Variants in UBR3 observed in about 807,000 individuals in gnomAD.
The protein encoded by UBR3 is ubiquitin protein ligase E3 component n-recognin 3, also known as E3 ubiquitin-protein ligase UBR3.
A neutral mutation model predicts 243.2 loss-of-function variants in UBR3; 85 were observed. The observed-to-expected ratio is 0.35, with a 90% CI of 0.29 to 0.42. The LOEUF (loss-of-function observed/expected upper bound fraction) is 0.42, where lower values mean the gene tolerates loss of function less well. Among genes scored for constraint, UBR3 ranks in the 10% least tolerant of loss-of-function variants. The probability of loss-of-function intolerance (pLI) is 1.00; values close to 1 mark genes in which losing one functional copy is unlikely to be tolerated. For synonymous variants in UBR3, 748 were observed against 799.8 expected (o/e 0.94, Z 1.09); for missense variants, 1,686 against 2,300.8 (o/e 0.73, Z 5.47).
At chr2:170,029,127 A>G (rs550608466) in intron 30 of UBR3, among the ~76,000 whole-genome samples, 1 of 152,156 alleles carries the variant, frequency 6.6e-6, no homozygotes, top group South Asian at 2.1e-4. Flanking sequence ...ATTAAGATTG[A>G]GTCTAAGGAC....
chr2:170,080,373 A>T lies in UBR3; in HGVS notation c.5410-172A>T. On this transcript the variant is annotated intron_variant, in intron 37 of 38. Transcript: ENST00000272793. ...TTTACTAGATATTCCTTACCCAAAT[A>T]CCTCCTAATGTATTAATAATAAAGT... 2.6e-6 allele frequency: 2 copies of T among 769,466 alleles called. 1 individual carries two copies. Among genetic ancestry groups the T allele is most frequent in the South Asian group, 4.7e-5 (2 of 42,136 alleles). The allele number at this position is 769,466 out of a possible 1,614,324, so 47.7% of individuals were successfully genotyped here.
chr2:169,977,790 C>T (rs1311107276), intron 24 of UBR3, among the ~76,000 whole-genome samples: 1 of 152,200 alleles, frequency 6.6e-6, no homozygotes, highest in Non-Finnish European at 1.5e-5. Context: ...TTCCACCAGC[C>T]ATCTAGGCAT....
At chr2:169,999,834 A>G (rs1262861502) in intron 26 of UBR3, among the ~76,000 whole-genome samples, 2 of 152,172 alleles carry the variant, frequency 1.3e-5, no homozygotes, top group Non-Finnish European at 2.9e-5. Flanking sequence ...CTTTTAAAAC[A>G]AATTTGGAGC....
chr2:169,832,442 C>T (rs1430490073), intron 1 of UBR3, among the ~76,000 whole-genome samples: 2 of 151,714 alleles, frequency 1.3e-5, no homozygotes, highest in Admixed American at 1.3e-4. Context: ...CCCAGCTACT[C>T]GGGAGGCTGA....
chr2:169,965,274 C>A (rs1436379691), intron 24 of UBR3, among the ~76,000 whole-genome samples: 2 of 152,164 alleles, frequency 1.3e-5, no homozygotes, highest in Admixed American at 6.6e-5. Flanking sequence ...AGTACTGATA[C>A]AATTTAACCT....
intron 1 of UBR3, among the ~76,000 whole-genome samples, 177 bp from the exon 2 acceptor site, chr2:169,872,059 G>A (rs2083455961): frequency 1.3e-5 from 2 of 152,018 alleles, no homozygotes; most frequent in Non-Finnish European, 2.9e-5. Context: ...AAATATACCT[G>A]AGTGCCATTT....
intron 24 of UBR3, among the ~76,000 whole-genome samples, chr2:169,959,996 A>G (rs2087489514): frequency 6.6e-6 from 1 of 152,102 alleles, no homozygotes; most frequent in Non-Finnish European, 1.5e-5. Context: ...CACATCTGTA[A>G]TCCCAGCACT....
chr2:170,076,436 C>G (rs1299210453), intron 36 of UBR3, among the ~76,000 whole-genome samples: 4 of 152,128 alleles, frequency 2.6e-5, no homozygotes, highest in Non-Finnish European at 5.9e-5. Flanking sequence ...CCCAAATAAG[C>G]AACCTGATGT....
At chr2:169,947,434 T>C (rs1370908408) in intron 21 of UBR3, 108 bp from the exon 22 acceptor site, 4 of 821,998 alleles carry the variant, frequency 4.9e-6, no homozygotes, top group Non-Finnish European at 6.7e-6. Context: ...CAATAAGGGA[T>C]TCAGGATTAT....
chr2:170,068,488 G>A (rs758064746), intron 35 of UBR3, among the ~76,000 whole-genome samples: 2 of 151,730 alleles, frequency 1.3e-5, no homozygotes, highest in African/African-American at 2.4e-5. Context: ...AAAAATGAAC[G>A]AACGCATAAA....
intron 19 of UBR3, among the ~76,000 whole-genome samples, chr2:169,935,457 T>C (rs975523329): frequency 6.6e-6 from 1 of 152,226 alleles, no homozygotes; most frequent in African/African-American, 2.4e-5. Context: ...ATGTGAGCCA[T>C]TGTGCCCAGT....
In UBR3 at chr2:170,034,306, C is replaced by T. The variant is rs1173672795; in HGVS notation, c.4556+4858C>T. Among the ~76,000 whole-genome samples the T allele has an allele frequency of 3.9e-5, 6 of 151,954 alleles. No homozygotes were observed. In the East Asian group the frequency reaches 1.2e-3, roughly 29 times the overall value. On this transcript the variant is annotated intron_variant, in intron 31 of 38. Transcript: ENST00000272793. ...GTATCATACAAAGTAGTTTCACTGT[C>T]CTAAAAAAACCCTCTGTGCTCTACC...
rs116510193 is a variant in UBR3, at chr2:170,036,695, C to T, written c.4557-4187C>T. On this transcript the variant is annotated intron_variant, in intron 31 of 38. Coordinates refer to ENST00000272793, the MANE Select transcript of UBR3 (RefSeq NM_172070.4). Reference sequence around the variant, plus strand: ...ACCTCTGTCCATTTTCTGTTGGCATCTTATTGTTTAAAATTATATGAATGA... The same window carrying T: ...ACCTCTGTCCATTTTCTGTTGGCATTTTATTGTTTAAAATTATATGAATGA... Among the ~76,000 whole-genome samples the T allele has an allele frequency of 2.4e-3, 362 of 152,044 alleles. 2 individuals are homozygous for T. Among genetic ancestry groups the T allele is most frequent in the African/African-American group, 8.5e-3 (351 of 41,520 alleles).
intron 19 of UBR3, among the ~76,000 whole-genome samples, chr2:169,933,250 T>C (rs1351606438): frequency 1.3e-5 from 2 of 152,202 alleles, no homozygotes; most frequent in African/African-American, 2.4e-5. Context: ...CAGAAACTTA[T>C]TTAGTTGCTG....
At chr2:169,862,014 C>G (rs1401498070) in intron 1 of UBR3, among the ~76,000 whole-genome samples, 1 of 152,110 alleles carries the variant, frequency 6.6e-6, no homozygotes, top group South Asian at 2.1e-4. Flanking sequence ...ATTGTAAATT[C>G]CACATGTATT....
At chr2:169,936,352 C>T (rs1259296960) in intron 19 of UBR3, among the ~76,000 whole-genome samples, 1 of 152,114 alleles carries the variant, frequency 6.6e-6, no homozygotes, top group Non-Finnish European at 1.5e-5. Context: ...AACCACCGTG[C>T]CTGGCCCAGA....
chr2:170,066,275 C>T (rs1002494880), intron 35 of UBR3, among the ~76,000 whole-genome samples: 1 of 152,182 alleles, frequency 6.6e-6, no homozygotes, highest in African/African-American at 2.4e-5. Context: ...ATATCTTAGT[C>T]TAGCACTATT....
chr2:170,055,858 T>G (rs576053425), intron 33 of UBR3, among the ~76,000 whole-genome samples: 8 of 152,240 alleles, frequency 5.3e-5, no homozygotes, highest in African/African-American at 1.7e-4. Flanking sequence ...ATAAAAATTG[T>G]GCTAACACAG....
At chr2:170,022,314 C>CG (rs2090413161) in intron 30 of UBR3, among the ~76,000 whole-genome samples, 1 of 152,060 alleles carries the variant, frequency 6.6e-6, no homozygotes. Context: ...ATAGGAACTC[C>CG]GGGAGGCAGG....
Sources: gnomAD v4.1 joint callset for allele counts (sites outside exome capture counted in the v4.1 genomes callset) on GRCh38, gnomAD v4.1.1 for gene constraint, MANE v1.5 for transcripts, NCBI Gene and HGNC (gene_info 2026-07-23, HGNC 2026-07-21) for gene names.